TMEM39B: variants seen among roughly 807,000 people sequenced by gnomAD.
The protein encoded by TMEM39B is transmembrane protein 39B.
Under a neutral mutation model 52.2 loss-of-function variants are expected in TMEM39B, and 23 were observed. The ratio of observed to expected loss-of-function variants is 0.44; its 90% confidence interval spans 0.32 to 0.62. The LOEUF is 0.62. Ranked by LOEUF, TMEM39B falls within the 20% of genes least tolerant of loss-of-function variation. The pLI is 0.06. For synonymous variants in TMEM39B, 285 were observed against 264.0 expected (o/e 1.08, Z -0.77); for missense variants, 547 against 642.0 (o/e 0.85, Z 1.60).
chr1:32,093,707 C>T lies in TMEM39B; in HGVS notation c.928-1077C>T, dbSNP rs531621620. On this transcript the variant is annotated intron_variant, in intron 6 of 8. Coordinates refer to ENST00000336294, the MANE Select transcript of TMEM39B (RefSeq NM_018056.4). The stretch of plus-strand genomic sequence containing the variant: ...GGTTACAGGCGTAAGCCACTGCGCC[C>T]GGCCCTTAATGTCTTTTGAGCACCT... Among the ~76,000 whole-genome samples, 10 of 150,684 alleles carry T rather than the reference C, an allele frequency of 6.6e-5. No individual in the cohort carries two copies. In the South Asian group the frequency reaches 1.1e-3, roughly 16 times the overall value.
intron 7 of TMEM39B, among the ~76,000 whole-genome samples, chr1:32,095,388 T>C (rs1210745512): frequency 6.6e-6 from 1 of 152,180 alleles, no homozygotes; most frequent in African/African-American, 2.4e-5. Flanking sequence ...AGCTTGGACT[T>C]TGACTTAGGC....
At chr1:32,091,572 A>G in intron 5 of TMEM39B, 103 bp from the exon 6 acceptor site, 2 of 1,334,448 alleles carry the variant, frequency 1.5e-6, no homozygotes, top group Non-Finnish European at 2.0e-6. Context: ...CTGGGCAGCC[A>G]GGAGAGCTGA....
chr1:32,072,791 C>CA, upstream of TMEM39B: 1 of 539,612 alleles, frequency 1.9e-6, no homozygotes, highest in Non-Finnish European at 3.3e-6. Flanking sequence ...TGAGTCTCTT[C>CA]ACCAGCAGCT....
intron 5 of TMEM39B, 49 bp from the exon 6 acceptor site, chr1:32,091,626 G>A: frequency 6.5e-7 from 1 of 1,538,556 alleles, no homozygotes. Flanking sequence ...TGAGAGTTGG[G>A]ATCCTGGCCC....
chr1:32,080,349 G>A (rs1040875820), intron 5 of TMEM39B, among the ~76,000 whole-genome samples: 1 of 151,936 alleles, frequency 6.6e-6, no homozygotes. Flanking sequence ...ATTGTCCTTC[G>A]AAAGGGTTGC....
intron 8 of TMEM39B, chr1:32,100,765 C>A: frequency 1.6e-6 from 1 of 637,244 alleles, no homozygotes; most frequent in Admixed American, 2.8e-5. Flanking sequence ...GTGGCTCACG[C>A]CTGTAATCCC....
intron 6 of TMEM39B, among the ~76,000 whole-genome samples, chr1:32,093,982 C>G (rs1189929174): frequency 2.0e-5 from 3 of 150,806 alleles, no homozygotes; most frequent in African/African-American, 7.3e-5. Context: ...CCACGCCCGG[C>G]TAATTTTTTG....
At position 32,076,661 on chromosome 1, in the gene TMEM39B, A is replaced by G. The variant is rs1004812042; in HGVS notation, c.352-102A>G. ...GGCCGATGAAGGTCAGAGAATGAGG[A>G]CAGTCTCTGTGGAAAGAAATGGGCA... On this transcript the variant is annotated intron_variant, in intron 3 of 8. Coordinates refer to ENST00000336294, the MANE Select transcript of TMEM39B (RefSeq NM_018056.4). The G allele has an allele frequency of 6.0e-6, 7 of 1,172,606 alleles. No homozygotes were observed. The African/African-American group carries it at 7.5e-5, about 13-fold the overall frequency. 72.6% of individuals were successfully genotyped at this position (1,172,606 alleles called of 1,614,324 possible). A position where few individuals can be genotyped will look rare whatever the true frequency, so the allele number is the denominator to read the frequency against.
At chr1:32,075,845 TGTGTGTGTGTGTGTGTGTGC>T (rs1639831566) in intron 3 of TMEM39B, 23 bp downstream of exon 3, 4 of 1,238,562 alleles carry the variant, frequency 3.2e-6, no homozygotes, top group Non-Finnish European at 4.4e-6. Flanking sequence ...CAAGGGTGTG[TGTGTGTGTGTGTGTGTGTGC>T]GTGTGTGTGT....
intron 5 of TMEM39B, among the ~76,000 whole-genome samples, chr1:32,079,863 G>A (rs779283889): frequency 1.5e-4 from 23 of 151,664 alleles, no homozygotes; most frequent in Non-Finnish European, 2.7e-4. Context: ...TCCAACTCCC[G>A]GGTTCAAGCA....
chr1:32,075,534 T>C, intron 2 of TMEM39B, 69 bp from the exon 3 acceptor site: 1 of 1,469,692 alleles, frequency 6.8e-7, no homozygotes, highest in Non-Finnish European at 9.2e-7. Flanking sequence ...CCACAATCCT[T>C]TGCCTCAGAA....
At chr1:32,090,336 A>G (rs1640551391) in intron 5 of TMEM39B, among the ~76,000 whole-genome samples, 1 of 152,074 alleles carries the variant, frequency 6.6e-6, no homozygotes, top group African/African-American at 2.4e-5. Flanking sequence ...TCAAGGGCCC[A>G]TTTCAGTGCC....
chr1:32,082,456 T>A (rs1640144387), intron 5 of TMEM39B, among the ~76,000 whole-genome samples: 1 of 151,920 alleles, frequency 6.6e-6, no homozygotes, highest in South Asian at 2.1e-4. Context: ...TTATTTATTT[T>A]TATTTTTATT....
intron 6 of TMEM39B, among the ~76,000 whole-genome samples, chr1:32,093,401 T>C (rs1640684505): frequency 1.2e-4 from 3 of 25,482 alleles, no homozygotes; most frequent in Non-Finnish European, 3.4e-4. Context: ...GCCCGGCCCT[T>C]TTTTTTTTTT....
chr1:32,082,040 A>G lies in TMEM39B; in HGVS notation c.590+4722A>G, dbSNP rs545373645. Among the ~76,000 whole-genome samples, 5 of 152,274 alleles carry G rather than the reference A, an allele frequency of 3.3e-5. No homozygotes were observed. In the South Asian group the frequency reaches 1.0e-3, roughly 32 times the overall value. ...GATCCCATCCTTACTGTTCCCAGTAATTGATAGCTTTTAATATTTTTAAGT... is the reference window on the plus strand; with the variant it reads ...GATCCCATCCTTACTGTTCCCAGTAGTTGATAGCTTTTAATATTTTTAAGT... On this transcript the variant is annotated intron_variant, in intron 5 of 8. Coordinates refer to ENST00000336294, the MANE Select transcript of TMEM39B (RefSeq NM_018056.4).
At chr1:32,087,562 G>A in intron 5 of TMEM39B, 1 of 151,892 alleles carries the variant, frequency 6.6e-6, no homozygotes, top group Non-Finnish European at 1.5e-5. Flanking sequence ...GGCAGAGGTT[G>A]CAGTGAGCCG....
At chr1:32,076,568 T>C (rs1639869974) in intron 3 of TMEM39B, 195 bp from the exon 4 acceptor site, 3 of 697,834 alleles carry the variant, frequency 4.3e-6, no homozygotes, top group Non-Finnish European at 7.8e-6. Flanking sequence ...CCCCAGGGAC[T>C]GTCCCACTTC....
At chr1:32,079,436 G>C (rs139751383) in intron 5 of TMEM39B, among the ~76,000 whole-genome samples, 1 of 151,786 alleles carries the variant, frequency 6.6e-6, no homozygotes. Flanking sequence ...TGCCCGCCTC[G>C]GCCTCCCAAA....
chr1:32,079,924 C>T (rs181844082), intron 5 of TMEM39B, among the ~76,000 whole-genome samples: 1 of 152,216 alleles, frequency 6.6e-6, no homozygotes, highest in Admixed American at 6.5e-5. Context: ...CATGCTCCAC[C>T]AAGCCCAGCT....
Sources: gnomAD v4.1 joint callset for allele counts (sites outside exome capture counted in the v4.1 genomes callset) on GRCh38, gnomAD v4.1.1 for gene constraint, MANE v1.5 for transcripts, NCBI Gene and HGNC (gene_info 2026-07-23, HGNC 2026-07-21) for gene names.